SPON1: variants seen among roughly 807,000 people sequenced by gnomAD.
SPON1 encodes spondin 1.
In SPON1, 52 loss-of-function variants were observed where a neutral mutation model predicts 111.7. That is an observed-to-expected ratio of 0.47 (90% CI 0.37 to 0.59). SPON1 has a LOEUF of 0.59. Ranked by LOEUF, SPON1 falls within the 20% of genes least tolerant of loss-of-function variation. SPON1 has a pLI of 0.00. For missense variants in SPON1, 957 were observed against 1,068.5 expected (o/e 0.90, Z 1.46); for synonymous variants, 410 against 395.8 (o/e 1.04, Z -0.43).
chr11:13,989,823 C>T (rs1198693783), intron 2 of SPON1, among the ~76,000 whole-genome samples: 1 of 152,176 alleles, frequency 6.6e-6, no homozygotes, highest in Non-Finnish European at 1.5e-5. Flanking sequence ...CATTCAGGAG[C>T]ACGTTGTTCA....
At chr11:14,198,518 C>G (rs1314594859) in intron 6 of SPON1, among the ~76,000 whole-genome samples, 3 of 152,240 alleles carry the variant, frequency 2.0e-5, no homozygotes, top group African/African-American at 7.2e-5. Context: ...GGACTTGGCA[C>G]AAGAGGTGCT....
At chr11:14,097,244 A>G (rs1849108925) in intron 5 of SPON1, among the ~76,000 whole-genome samples, 1 of 152,230 alleles carries the variant, frequency 6.6e-6, no homozygotes, top group Non-Finnish European at 1.5e-5. Flanking sequence ...GGTTTCTGGA[A>G]TTTTAGCTAA....
intron 6 of SPON1, among the ~76,000 whole-genome samples, chr11:14,239,000 T>A (rs2133916370): frequency 6.6e-6 from 1 of 152,284 alleles, no homozygotes; most frequent in Non-Finnish European, 1.5e-5. Context: ...AAAATAAGCT[T>A]TTCATTTAAG....
intron 1 of SPON1, among the ~76,000 whole-genome samples, chr11:13,963,417 C>A (rs1847991013): frequency 6.6e-6 from 1 of 152,202 alleles, no homozygotes; most frequent in Admixed American, 6.5e-5. Flanking sequence ...AACTGAGCCA[C>A]ACGTCACGCC....
At chr11:14,197,379 A>C (rs1185170671) in intron 6 of SPON1, among the ~76,000 whole-genome samples, 1 of 152,110 alleles carries the variant, frequency 6.6e-6, no homozygotes, top group Non-Finnish European at 1.5e-5. Flanking sequence ...CCGAAAGCAC[A>C]GGACTAAATT....
chr11:14,155,357 G>A (rs1184752622), intron 6 of SPON1, among the ~76,000 whole-genome samples: 2 of 152,150 alleles, frequency 1.3e-5, no homozygotes, highest in African/African-American at 4.8e-5. Context: ...CAGTTCCACA[G>A]GCTATACAGG....
At chr11:14,225,381 A>G (rs1345558990) in intron 6 of SPON1, among the ~76,000 whole-genome samples, 3 of 152,178 alleles carry the variant, frequency 2.0e-5, no homozygotes, top group African/African-American at 7.2e-5. Context: ...AAAAAACAAA[A>G]CTATACATAG....
chr11:14,090,824 G>GCCACCCCCCCCCCC (rs1849046497), intron 5 of SPON1, among the ~76,000 whole-genome samples: 11 of 45,606 alleles, frequency 2.4e-4, no homozygotes, highest in Admixed American at 8.0e-4. Context: ...CTCTTATCTG[G>GCCACCCCCCCCCCC]CCCCCCCCCC....
chr11:14,128,114 A>T (rs891219487), intron 5 of SPON1, among the ~76,000 whole-genome samples: 2 of 152,038 alleles, frequency 1.3e-5, no homozygotes, highest in African/African-American at 4.8e-5. Flanking sequence ...ACCCTCCCAA[A>T]TCTCATGTCT....
At chr11:14,167,632 A>G (rs887935247) in intron 6 of SPON1, among the ~76,000 whole-genome samples, 5 of 152,126 alleles carry the variant, frequency 3.3e-5, no homozygotes, top group Admixed American at 1.3e-4. Flanking sequence ...AAAATTTTAT[A>G]TTTCTATCCA....
At chr11:14,014,786 T>C (rs1477033037) in intron 2 of SPON1, among the ~76,000 whole-genome samples, 1 of 152,256 alleles carries the variant, frequency 6.6e-6, no homozygotes, top group African/African-American at 2.4e-5. Flanking sequence ...TGCAGATTTG[T>C]GACTGTGGCC....
intron 6 of SPON1, among the ~76,000 whole-genome samples, chr11:14,175,530 C>A (rs2133884495): frequency 6.6e-6 from 1 of 152,242 alleles, no homozygotes; most frequent in East Asian, 1.9e-4. Context: ...CACAGAAAGA[C>A]AAATTCTTAT....
chr11:13,978,982 C>T (rs1554909289), intron 1 of SPON1, among the ~76,000 whole-genome samples: 1 of 152,194 alleles, frequency 6.6e-6, no homozygotes, highest in East Asian at 1.9e-4. Flanking sequence ...TCTGTCTTGG[C>T]TGGGGTTCCC....
rs73420280 is a variant in SPON1, at chr11:14,024,306, G to A, written c.346-17215G>A. Reference sequence around the variant, plus strand: ...GCTCAAGTAGACCCTCTGCCTTATCGCAAGAGCAGAGGGCTTTCTGTATCC... The same window carrying A: ...GCTCAAGTAGACCCTCTGCCTTATCACAAGAGCAGAGGGCTTTCTGTATCC... On this transcript the variant is annotated intron_variant, in intron 2 of 15. Coordinates refer to ENST00000576479, the MANE Select transcript of SPON1 (RefSeq NM_006108.4). Among the ~76,000 whole-genome samples the A allele has an allele frequency of 4.2e-3, 645 of 152,286 alleles. 4 individuals carry two copies. The highest frequency in any genetic ancestry group is 0.014 in the African/African-American group (589 of 41,558).
intron 3 of SPON1, among the ~76,000 whole-genome samples, chr11:14,063,045 T>G (rs1268159625): frequency 1.3e-5 from 2 of 152,132 alleles, no homozygotes; most frequent in Non-Finnish European, 2.9e-5. Flanking sequence ...CCTATCCTAC[T>G]TTGTAAAGGT....
chr11:14,265,468 G>A, intron 15 of SPON1, 56 bp from the exon 16 acceptor site: 3 of 1,551,454 alleles, frequency 1.9e-6, no homozygotes, highest in Non-Finnish European at 2.6e-6. Flanking sequence ...CTAGAGTTCA[G>A]CATCCCTGTT....
intron 6 of SPON1, among the ~76,000 whole-genome samples, chr11:14,222,213 C>G (rs1215653038): frequency 1.3e-5 from 2 of 152,122 alleles, no homozygotes; most frequent in African/African-American, 4.8e-5. Context: ...TTGTTTTGTC[C>G]CTGCACCTCT....
intron 2 of SPON1, among the ~76,000 whole-genome samples, chr11:14,000,462 G>T (rs1467344449): frequency 5.3e-5 from 8 of 152,236 alleles, no homozygotes; most frequent in Admixed American, 2.6e-4. Context: ...CTCCACAAGG[G>T]TATTGCTTTG....
At chr11:13,963,690 C>T (rs1847993164) in intron 1 of SPON1, among the ~76,000 whole-genome samples, 1 of 152,020 alleles carries the variant, frequency 6.6e-6, no homozygotes, top group Non-Finnish European at 1.5e-5. Context: ...CCTAACCGGT[C>T]CCGGGGTGCG....
Sources: gnomAD v4.1 joint callset for allele counts (sites outside exome capture counted in the v4.1 genomes callset) on GRCh38, gnomAD v4.1.1 for gene constraint, MANE v1.5 for transcripts, NCBI Gene and HGNC (gene_info 2026-07-23, HGNC 2026-07-21) for gene names.